The following AOPEP variants were observed in gnomAD, a reference collection of about 807,000 sequenced individuals.
The protein encoded by AOPEP is aminopeptidase O.
Under a neutral mutation model 98.1 loss-of-function variants are expected in AOPEP, and 77 were observed. The ratio of observed to expected loss-of-function variants is 0.78; its 90% CI spans 0.65 to 0.95. The LOEUF (loss-of-function observed/expected upper bound fraction) is 0.95, where lower values mean the gene tolerates loss of function less well. Ranked by LOEUF, AOPEP falls within the 40% of genes least tolerant of loss-of-function variation. The pLI is 0.00. For missense variants in AOPEP, 1,024 were observed against 1,024.7 expected, an observed-to-expected ratio of 1.00 and a Z score of 0.01; for synonymous variants, 346 against 365.3, an observed-to-expected ratio of 0.95 and a Z score of 0.60.
rs976440238 is a variant in AOPEP, at chr9:94,972,758, G to C, written c.1916+4957G>C. ...GTTGGAGACCAGCCTGGCCAACATG[G>C]TAAAATCCCATCTCTACCAAAAATA... is the stretch of plus-strand genomic sequence containing the variant. On this transcript the variant is annotated intron_variant, in intron 10 of 16. Transcript: ENST00000375315. This position sits in a 1 kb window ranked among gnomAD's most constrained non-coding sequence, Gnocchi z 4.2. 2.0e-5 allele frequency among the ~76,000 whole-genome samples: 3 copies of C among 152,080 alleles called. No homozygotes were observed. Among genetic ancestry groups the C allele is most frequent in the Admixed American group, 6.5e-5 (1 of 15,272 alleles).
At chr9:94,954,636 T>G (rs922964243) in intron 7 of AOPEP, among the ~76,000 whole-genome samples, 1 of 152,152 alleles carries the variant, frequency 6.6e-6, no homozygotes, top group African/African-American at 2.4e-5. Flanking sequence ...AATGAGGAAG[T>G]TGAAGTATGT....
chr9:94,983,717 T>G (rs1366881316), intron 11 of AOPEP, among the ~76,000 whole-genome samples: 1 of 152,182 alleles, frequency 6.6e-6, no homozygotes, highest in Non-Finnish European at 1.5e-5. Flanking sequence ...CACAGGTATT[T>G]GCAAGCTTTT....
chr9:95,144,134 A>AG, the AOPEP span, among the ~76,000 whole-genome samples: 6 of 131,286 alleles, frequency 4.6e-5, no homozygotes, highest in African/African-American at 1.1e-4. Flanking sequence ...ACATCTGGGG[A>AG]GGGGGGGCTG....
chr9:95,144,858 G>A, the AOPEP span, among the ~76,000 whole-genome samples: 26 of 152,174 alleles, frequency 1.7e-4, 1 homozygote, highest in Admixed American at 1.3e-4. Flanking sequence ...GCGCCGCGCC[G>A]CACGTTCACA....
chr9:94,901,122 CATT>C (rs998302343), intron 5 of AOPEP, among the ~76,000 whole-genome samples: 2 of 151,086 alleles, frequency 1.3e-5, no homozygotes, highest in African/African-American at 4.9e-5. Flanking sequence ...CGGTGGGAGA[CATT>C]ATCAAAACAA....
intron 7 of AOPEP, among the ~76,000 whole-genome samples, chr9:94,937,999 G>A (rs1475563815): frequency 1.3e-5 from 2 of 151,910 alleles, no homozygotes; most frequent in African/African-American, 2.4e-5. Flanking sequence ...TCAGCCTCCC[G>A]AGTAGCTGGG....
the AOPEP span, chr9:95,111,124 C>A: frequency 6.5e-7 from 1 of 1,532,866 alleles, no homozygotes. Context: ...CCCCTCAGAA[C>A]AGCCCGCCTC....
chr9:94,967,917 G>A (rs2059306462), intron 10 of AOPEP, 116 bp downstream of exon 10: 1 of 857,132 alleles, frequency 1.2e-6, no homozygotes, highest in South Asian at 1.4e-5. Context: ...TCTAATAGAG[G>A]CAAGGACCTA....
chr9:94,863,430 A>G (rs1055296833), intron 5 of AOPEP, among the ~76,000 whole-genome samples: 17 of 151,262 alleles, frequency 1.1e-4, no homozygotes, highest in Admixed American at 1.3e-4. Flanking sequence ...ACAGGCGCCC[A>G]CCACCACGCC....
At chr9:95,079,025 T>G (rs1379934391) in intron 14 of AOPEP, among the ~76,000 whole-genome samples, 2 of 152,202 alleles carry the variant, frequency 1.3e-5, no homozygotes, top group East Asian at 1.9e-4. Flanking sequence ...GGAAAGATTT[T>G]GCCGTCCCAG....
chr9:94,879,749 A>G (rs144202314), intron 5 of AOPEP, among the ~76,000 whole-genome samples: 4 of 152,350 alleles, frequency 2.6e-5, no homozygotes, highest in East Asian at 1.9e-4. Flanking sequence ...GAAATATACT[A>G]TCTGAAGTTT....
intron 13 of AOPEP, chr9:95,022,287 T>C (rs1249986202): frequency 6.6e-6 from 1 of 152,128 alleles, no homozygotes; most frequent in Non-Finnish European, 1.5e-5. Context: ...TCTATGGTAT[T>C]CTTAGTGGGG....
chr9:95,086,412 G>A, intron 16 of AOPEP: 1 of 985,444 alleles, frequency 1.0e-6, no homozygotes, highest in African/African-American at 1.7e-5. Context: ...CAGTTAGAGT[G>A]GGTGCGTGTC....
At chr9:94,844,117 G>A (rs2042575876) in intron 5 of AOPEP, among the ~76,000 whole-genome samples, 1 of 152,018 alleles carries the variant, frequency 6.6e-6, no homozygotes, top group African/African-American at 2.4e-5. Context: ...GTACAATGAT[G>A]CGATCTCGGC....
chr9:95,099,408 C>T, the AOPEP span: 7 of 227,610 alleles, frequency 3.1e-5, no homozygotes, highest in African/African-American at 9.0e-5. Context: ...GCCCCGCCAA[C>T]GCCGTCAAGG....
chr9:94,865,079 A>G (rs2135500123), intron 5 of AOPEP, among the ~76,000 whole-genome samples: 1 of 152,344 alleles, frequency 6.6e-6, no homozygotes, highest in Non-Finnish European at 1.5e-5. Context: ...TCCATGGTTT[A>G]TCATCTCCTA....
At chr9:94,794,845 A>C (rs1846561391) in intron 4 of AOPEP, among the ~76,000 whole-genome samples, 2 of 152,134 alleles carry the variant, frequency 1.3e-5, no homozygotes, top group Admixed American at 6.5e-5. Flanking sequence ...AGGTGGTCTG[A>C]ATTTCTGAGT....
rs1271247840 is a variant in AOPEP at position 94,954,829 on chromosome 9, T to C, written c.1662-348T>C. Among the ~76,000 whole-genome samples the C allele has an allele frequency of 2.6e-5, 4 of 152,228 alleles. No individual in the cohort carries two copies. The East Asian group carries it at 7.7e-4, about 29-fold the overall frequency. On this transcript the variant is annotated intron_variant, in intron 7 of 16. Transcript: ENST00000375315. ...TGAAAGAGATATAAGTTCTTTACTT[T>C]TCCAAGTAAAGCTTCATTTTCCATT...
chr9:95,118,407 G>C, the AOPEP span, among the ~76,000 whole-genome samples: 1 of 152,260 alleles, frequency 6.6e-6, no homozygotes, highest in African/African-American at 2.4e-5. Context: ...GCCCCCAAGG[G>C]GCACAGAAGC....
Sources: gnomAD v4.1 joint callset for allele counts (sites outside exome capture counted in the v4.1 genomes callset) on GRCh38, gnomAD v4.1.1 for gene constraint, Gnocchi (gnomAD v3.1) non-coding constraint, MANE v1.5 for transcripts, NCBI Gene and HGNC (gene_info 2026-07-23, HGNC 2026-07-21) for gene names.